Variants in GRHL2 observed in about 807,000 individuals in gnomAD.
The protein encoded by GRHL2 is grainyhead like transcription factor 2, also known as grainyhead-like protein 2 homolog.
A neutral mutation model predicts 83.8 loss-of-function variants in GRHL2; 21 were observed. The observed-to-expected ratio is 0.25, with a 90% CI of 0.18 to 0.36. The LOEUF (loss-of-function observed/expected upper bound fraction) is 0.36. Among genes scored for constraint, GRHL2 ranks in the 10% least tolerant of loss-of-function variants. The pLI is 1.00. For missense variants in GRHL2, 623 were observed against 781.8 expected (o/e 0.80, Z 2.42); for synonymous variants, 280 against 278.9 (o/e 1.00, Z -0.04).
intron 1 of GRHL2, among the ~76,000 whole-genome samples, chr8:101,534,809 G>C (rs935703250): frequency 5.3e-5 from 8 of 152,170 alleles, no homozygotes; most frequent in African/African-American, 1.9e-4. Context: ...CAACTAGAAG[G>C]GTAGAGTTTT....
intron 1 of GRHL2, among the ~76,000 whole-genome samples, chr8:101,500,042 C>T (rs1317831582): frequency 6.6e-6 from 1 of 152,110 alleles, no homozygotes; most frequent in Non-Finnish European, 1.5e-5. Context: ...CACCACTGCA[C>T]TCCAGCCTCA....
At chr8:101,584,232 TACA>T (rs1405827967) in intron 7 of GRHL2, among the ~76,000 whole-genome samples, 1 of 152,238 alleles carries the variant, frequency 6.6e-6, no homozygotes, top group Non-Finnish European at 1.5e-5. Context: ...GCAATTATAG[TACA>T]ATTTCAGTTA....
intron 1 of GRHL2, among the ~76,000 whole-genome samples, chr8:101,532,155 A>C (rs1302133070): frequency 6.6e-6 from 1 of 152,254 alleles, no homozygotes; most frequent in East Asian, 1.9e-4. Context: ...GCTGAAAGCA[A>C]CTAGCAGTCA....
chr8:101,599,637 G>C (rs1196257247), intron 8 of GRHL2, among the ~76,000 whole-genome samples: 1 of 152,236 alleles, frequency 6.6e-6, no homozygotes, highest in Non-Finnish European at 1.5e-5. Context: ...GGTCACCACT[G>C]TGACCTTCAG....
At chr8:101,525,489 CAT>C (rs1586420075) in intron 1 of GRHL2, among the ~76,000 whole-genome samples, 1 of 151,780 alleles carries the variant, frequency 6.6e-6, no homozygotes, top group East Asian at 1.9e-4. Flanking sequence ...AGCATATTAA[CAT>C]ATTGTTTTAT....
downstream of GRHL2, among the ~76,000 whole-genome samples, chr8:101,672,448 G>T (rs1019545128): frequency 2.6e-5 from 4 of 151,670 alleles, no homozygotes; most frequent in East Asian, 1.9e-4. Flanking sequence ...GGAAGAAAGG[G>T]TATCAGCAAT....
chr8:101,546,197 A>G (rs1185514824), intron 2 of GRHL2, among the ~76,000 whole-genome samples: 5 of 152,050 alleles, frequency 3.3e-5, no homozygotes, highest in Admixed American at 2.6e-4. Context: ...AACTTTTATA[A>G]TGTTAAATTA....
chr8:101,551,841 G>GT (rs111373774), intron 2 of GRHL2, among the ~76,000 whole-genome samples: 339 of 140,866 alleles, frequency 2.4e-3, no homozygotes, highest in Middle Eastern at 3.6e-3. Context: ...GGCATTGGGA[G>GT]TTTTTTTTTT....
At chr8:101,673,054 C>T (rs1207654227), downstream of GRHL2, among the ~76,000 whole-genome samples, 15 of 149,752 alleles carry the variant, frequency 1.0e-4, no homozygotes, top group Non-Finnish European at 1.9e-4. Context: ...CTGAAGGAAG[C>T]GCTAAACATG....
chr8:101,552,079 C>G (rs1247060774), intron 2 of GRHL2, among the ~76,000 whole-genome samples: 5 of 152,052 alleles, frequency 3.3e-5, no homozygotes, highest in African/African-American at 1.2e-4. Flanking sequence ...TCGTGATCCG[C>G]CCGCCTTGGC....
intron 7 of GRHL2, among the ~76,000 whole-genome samples, chr8:101,592,122 T>TTTTTTTC (rs1812299526): frequency 6.8e-6 from 1 of 147,616 alleles, no homozygotes; most frequent in Non-Finnish European, 1.5e-5. Flanking sequence ...TTTTTTTTTT[T>TTTTTTTC]GAGACAGAGT....
intron 1 of GRHL2, among the ~76,000 whole-genome samples, chr8:101,513,495 T>C (rs1178399208): frequency 4.4e-5 from 4 of 91,422 alleles, no homozygotes; most frequent in East Asian, 3.0e-4. Flanking sequence ...CAGGCTATCG[T>C]TGTGCTTTTT....
intron 1 of GRHL2, 186 bp downstream of exon 1, chr8:101,492,975 A>T: frequency 3.1e-6 from 2 of 649,562 alleles, no homozygotes; most frequent in Non-Finnish European, 5.5e-6. Flanking sequence ...GAAACCCTAC[A>T]ACAATGTGAA....
intron 14 of GRHL2, among the ~76,000 whole-genome samples, chr8:101,657,850 A>C (rs758777819): frequency 6.6e-6 from 1 of 151,526 alleles, no homozygotes; most frequent in African/African-American, 2.4e-5. Context: ...AAAAGACAGA[A>C]AAAGAAAAAA....
rs944250779 is a variant in GRHL2 at position 101,669,065 on chromosome 8, A to G, written c.*2362A>G. On this transcript the variant is annotated 3_prime_UTR_variant, in exon 16 of 16. Transcript: ENST00000646743. ...CCATTCCCCTCTGCATCCTCGGAGC[A>G]CCCCAGTTTGCCTTTGATGTGTCCG... is the stretch of plus-strand genomic sequence containing the variant. The G allele has an allele frequency of 1.3e-5, 2 of 152,060 alleles. No homozygotes were observed. The highest frequency in any genetic ancestry group is 4.8e-5 in the African/African-American group (2 of 41,402). 9.4% of individuals were successfully genotyped at this position (152,060 alleles called of 1,614,324 possible).
In GRHL2 at chr8:101,667,629, A is replaced by G. The variant is rs1814102153; in HGVS notation, c.*926A>G. 1 of 152,310 alleles carries G rather than the reference A, an allele frequency of 6.6e-6. No individual in the cohort carries two copies. The highest frequency in any genetic ancestry group is 1.5e-5 in the Non-Finnish European group (1 of 68,130). The allele number at this position is 152,310 out of a possible 1,614,324, so 9.4% of individuals were successfully genotyped here. ...GGCATGACTCTCCTTCGAGGCCACC[A>G]CGTTTATCTCACAATGATGTGTTTT... On this transcript the variant is annotated 3_prime_UTR_variant, in exon 16 of 16. Transcript: ENST00000646743.
intron 1 of GRHL2, among the ~76,000 whole-genome samples, chr8:101,510,078 C>G (rs773467654): frequency 6.6e-6 from 1 of 152,086 alleles, no homozygotes; most frequent in South Asian, 2.1e-4. Context: ...GCAGCCTTGA[C>G]CTCCCAGGCC....
At chr8:101,615,084 T>C (rs1390378708) in intron 8 of GRHL2, among the ~76,000 whole-genome samples, 1 of 152,352 alleles carries the variant, frequency 6.6e-6, no homozygotes, top group Non-Finnish European at 1.5e-5. Flanking sequence ...CTCTCTCTAT[T>C]GAGAGAACCT....
At chr8:101,494,060 C>T (rs1021569304) in intron 1 of GRHL2, among the ~76,000 whole-genome samples, 1 of 152,176 alleles carries the variant, frequency 6.6e-6, no homozygotes, top group South Asian at 2.1e-4. Context: ...GTGCGCGGGG[C>T]CGCCCTTTTG....
Sources: gnomAD v4.1 joint callset for allele counts (sites outside exome capture counted in the v4.1 genomes callset) on GRCh38, gnomAD v4.1.1 for gene constraint, MANE v1.5 for transcripts, NCBI Gene and HGNC (gene_info 2026-07-23, HGNC 2026-07-21) for gene names.